The following FAM117A variants were observed in gnomAD, a reference collection of about 807,000 sequenced individuals.
The protein encoded by FAM117A is family with sequence similarity 117 member A.
FAM117A carries 21 observed loss-of-function variants against 44.1 expected under a neutral mutation model. That is an observed-to-expected ratio of 0.48 (90% confidence interval 0.34 to 0.69). The LOEUF is 0.69. FAM117A is among the 30% of genes least tolerant of loss of function. The pLI is 0.01. For missense variants in FAM117A, 498 were observed against 589.9 expected (o/e 0.84, Z 1.61); for synonymous variants, 220 against 238.3 (o/e 0.92, Z 0.71).
chr17:49,713,374 A>G (rs550727509), intron 7 of FAM117A, among the ~76,000 whole-genome samples: 13 of 152,224 alleles, frequency 8.5e-5, no homozygotes, highest in Admixed American at 3.3e-4. Context: ...AGGTGAGAAG[A>G]CAAAGGTATG....
intron 2 of FAM117A, among the ~76,000 whole-genome samples, chr17:49,729,057 T>C (rs2073573139): frequency 6.6e-6 from 1 of 152,240 alleles, no homozygotes; most frequent in Non-Finnish European, 1.5e-5. Context: ...AGGATGAGAT[T>C]GTTGGCACTA....
intron 1 of FAM117A, among the ~76,000 whole-genome samples, chr17:49,742,658 T>TA (rs569061832): frequency 3.0e-4 from 44 of 147,186 alleles, no homozygotes; most frequent in Admixed American, 8.1e-4. Flanking sequence ...CCCCTATCTC[T>TA]AAAAAAAAAA....
intron 1 of FAM117A, among the ~76,000 whole-genome samples, chr17:49,774,664 G>A (rs1236859952): frequency 6.6e-6 from 1 of 152,024 alleles, no homozygotes; most frequent in African/African-American, 2.4e-5. Context: ...TGTCAACTCT[G>A]GTATTCCTTG....
At chr17:49,720,915 A>G (rs1258517846) in intron 3 of FAM117A, among the ~76,000 whole-genome samples, 3 of 152,018 alleles carry the variant, frequency 2.0e-5, no homozygotes, top group Non-Finnish European at 4.4e-5. Context: ...GGGTTTCACC[A>G]TGTTGGCCAG....
chr17:49,719,201 C>T (rs1051905839), intron 5 of FAM117A, among the ~76,000 whole-genome samples: 2 of 151,700 alleles, frequency 1.3e-5, no homozygotes, highest in African/African-American at 4.8e-5. Context: ...GCGGAGGTTG[C>T]GGTGAGCTGA....
At chr17:49,718,058 G>T (rs1031042949) in intron 5 of FAM117A, 1 of 177,188 alleles carries the variant, frequency 5.6e-6, no homozygotes. Flanking sequence ...GGAACACAAA[G>T]ATGATAACGT....
At chr17:49,728,118 T>TTCAAA (rs937411413) in intron 2 of FAM117A, among the ~76,000 whole-genome samples, 2 of 152,266 alleles carry the variant, frequency 1.3e-5, no homozygotes, top group African/African-American at 4.8e-5. Flanking sequence ...TGGCCCCATT[T>TTCAAA]TCAAATGTTT....
At chr17:49,717,785 G>T in intron 5 of FAM117A, 71 bp from the exon 6 acceptor site, 1 of 1,287,806 alleles carries the variant, frequency 7.8e-7, no homozygotes, top group Non-Finnish European at 1.1e-6. Flanking sequence ...GTGACCCCAA[G>T]GGTATTTCCC....
At chr17:49,763,046 A>C (rs991853888) in intron 1 of FAM117A, among the ~76,000 whole-genome samples, 1 of 151,970 alleles carries the variant, frequency 6.6e-6, no homozygotes, top group Non-Finnish European at 1.5e-5. Flanking sequence ...CCCCGGACAA[A>C]ACAGCCTTGG....
chr17:49,739,926 C>T (rs1213621735), intron 1 of FAM117A, among the ~76,000 whole-genome samples: 4 of 152,246 alleles, frequency 2.6e-5, no homozygotes, highest in South Asian at 4.1e-4. Flanking sequence ...CAGGCCAGGC[C>T]ATTTCACCAT....
At chr17:49,719,216 G>A (rs1363536874) in intron 5 of FAM117A, among the ~76,000 whole-genome samples, 2 of 151,730 alleles carry the variant, frequency 1.3e-5, no homozygotes, top group African/African-American at 2.4e-5. Context: ...AGCTGAGATC[G>A]CGCCACTGCA....
intron 2 of FAM117A, among the ~76,000 whole-genome samples, chr17:49,726,104 A>G (rs1414399666): frequency 6.6e-6 from 1 of 152,184 alleles, no homozygotes; most frequent in Admixed American, 6.5e-5. Context: ...GAAATAATAC[A>G]TTTCTGTGGT....
chr17:49,738,060 G>A (rs923839999), intron 1 of FAM117A, among the ~76,000 whole-genome samples: 1 of 152,130 alleles, frequency 6.6e-6, no homozygotes, highest in African/African-American at 2.4e-5. Flanking sequence ...TTTTGCTTTT[G>A]TTTGTTTCTT....
intron 1 of FAM117A, among the ~76,000 whole-genome samples, chr17:49,783,164 G>C (rs924681382): frequency 3.9e-5 from 6 of 152,206 alleles, no homozygotes; most frequent in Non-Finnish European, 8.8e-5. Context: ...TTACCATTGT[G>C]GAACATATGT....
upstream of FAM117A, among the ~76,000 whole-genome samples, chr17:49,768,427 T>C (rs2073751510): frequency 6.6e-6 from 1 of 152,194 alleles, no homozygotes; most frequent in African/African-American, 2.4e-5. Context: ...TAGAGAAGTC[T>C]TGGTATTCCT....
At chr17:49,716,089 G>C (rs546604062) in intron 7 of FAM117A, 76 bp downstream of exon 7, 107 of 1,516,318 alleles carry the variant, frequency 7.1e-5, no homozygotes, top group Middle Eastern at 2.4e-4. Context: ...TGACAAGAGA[G>C]AGTCCAAGAC....
intron 1 of FAM117A, among the ~76,000 whole-genome samples, chr17:49,772,999 G>A (rs528085939): frequency 7.3e-5 from 11 of 151,678 alleles, no homozygotes; most frequent in African/African-American, 2.2e-4. Context: ...GTGAAACCCC[G>A]TCTCTACTAA....
At chr17:49,786,035 T>TA (rs544532731) in intron 1 of FAM117A, among the ~76,000 whole-genome samples, 54 of 152,148 alleles carry the variant, frequency 3.5e-4, no homozygotes, top group Non-Finnish European at 7.1e-4. Flanking sequence ...TTTGGTTTTT[T>TA]AAAAAAAGAA....
At chr17:49,717,912 C>T in intron 5 of FAM117A, 198 bp from the exon 6 acceptor site, 1 of 513,376 alleles carries the variant, frequency 1.9e-6, no homozygotes, top group Non-Finnish European at 3.5e-6. Context: ...TCTTCCATAG[C>T]ACTTTGCTCT....
Sources: gnomAD v4.1 joint callset for allele counts (sites outside exome capture counted in the v4.1 genomes callset) on GRCh38, gnomAD v4.1.1 for gene constraint, MANE v1.5 for transcripts, NCBI Gene and HGNC (gene_info 2026-07-23, HGNC 2026-07-21) for gene names.